SLC7A1: variants seen among roughly 807,000 people sequenced by gnomAD.
SLC7A1 encodes the protein high affinity cationic amino acid transporter 1.
Under a neutral mutation model 53.9 loss-of-function variants are expected in SLC7A1, and 10 were observed. The observed-to-expected ratio is 0.19, with a 90% confidence interval of 0.11 to 0.31. SLC7A1 has a LOEUF of 0.31. SLC7A1 is among the 10% of genes least tolerant of loss of function. The pLI is 1.00. For missense variants in SLC7A1, 525 were observed against 827.2 expected, an observed-to-expected ratio of 0.63 and a Z score of 4.48; for synonymous variants, 342 against 338.7, an observed-to-expected ratio of 1.01 and a Z score of -0.11.
chr13:29,516,217 C>T lies in SLC7A1; in HGVS notation c.1707G>A (p.Leu569=). The stretch of plus-strand genomic sequence containing the variant: ...TGAGATAGACGTTCACGAAGATGCT[C>T]AGGATGGGGAGCACTGGCAGGAAGG... ...KVPFLPVLPI[L]SIFVNVYLMM... Residue 569 remains leucine (L), a synonymous_variant, in exon 12 of 13, where the codon CTG becomes CTA. Coordinates refer to ENST00000380752, the MANE Select transcript of SLC7A1 (RefSeq NM_003045.5). 1.2e-6 allele frequency: 2 copies of T among 1,613,460 alleles called. No homozygotes were observed. The highest frequency in any genetic ancestry group is 1.7e-6 in the Non-Finnish European group (2 of 1,179,736).
At position 29,514,604 on chromosome 13, in the gene SLC7A1, C is replaced by T. The variant is rs202211661; in HGVS notation, c.1787-21G>A. The T allele has an allele frequency of 1.0e-3, 1,617 of 1,571,910 alleles. 4 individuals are homozygous for T. Among genetic ancestry groups the T allele is most frequent in the South Asian group, 1.7e-3 (149 of 88,476 alleles). On this transcript the variant is annotated intron_variant, in intron 12 of 12. Coordinates refer to ENST00000380752, the MANE Select transcript of SLC7A1 (RefSeq NM_003045.5). ...GAAGCCTGCGGGCCGACAGCAGAGA[C>T]GGGCGTGAACAGACCGCCGGTTGCA...
intron 1 of SLC7A1, among the ~76,000 whole-genome samples, chr13:29,557,821 T>A (rs1194211186): frequency 7.7e-5 from 1 of 12,940 alleles, no homozygotes; most frequent in East Asian, 1.9e-3. Context: ...TGAGGGGGAG[T>A]GAATGTGAGT....
chr13:29,550,321 C>T (rs565923696), intron 2 of SLC7A1, among the ~76,000 whole-genome samples: 2 of 152,292 alleles, frequency 1.3e-5, no homozygotes, highest in East Asian at 3.9e-4. Flanking sequence ...GGCTGTGACC[C>T]TGTAGAAGAC....
At chr13:29,577,489 G>C (rs1871457745) in intron 1 of SLC7A1, among the ~76,000 whole-genome samples, 1 of 152,242 alleles carries the variant, frequency 6.6e-6, no homozygotes, top group Non-Finnish European at 1.5e-5. Context: ...TTCTGGGCGT[G>C]TGGCTCTGGG....
Position 29,533,065 on chromosome 13 carries a change from T to C in SLC7A1, c.371-83A>G, listed in dbSNP as rs868705706. 7 of 1,378,112 alleles carry C rather than the reference T, an allele frequency of 5.1e-6. No homozygotes were observed. In the Middle Eastern group the frequency reaches 1.0e-3, roughly 202 times the overall value. The allele number at this position is 1,378,112 out of a possible 1,614,324, so 85.4% of individuals were successfully genotyped here. ...GTAGTGGAGCTCCATGTTGATAACA[T>C]CATTGCAGGAGTCACCGACGGTGCA... On this transcript the variant is annotated intron_variant, in intron 3 of 12. Coordinates refer to ENST00000380752, the MANE Select transcript of SLC7A1 (RefSeq NM_003045.5).
At chr13:29,543,717 G>A (rs376749096) in intron 2 of SLC7A1, among the ~76,000 whole-genome samples, 3 of 151,676 alleles carry the variant, frequency 2.0e-5, no homozygotes, top group African/African-American at 7.3e-5. Context: ...GTGGGGAGGA[G>A]GCAGGGATCA....
chr13:29,570,567 A>G (rs74042336), intron 1 of SLC7A1, among the ~76,000 whole-genome samples: 3,457 of 152,210 alleles, frequency 0.023, 115 homozygotes, highest in African/African-American at 0.078. Flanking sequence ...ACATGATGGG[A>G]CCGGGCACGG....
At chr13:29,594,249 AATGT>A (rs1320224443) in intron 1 of SLC7A1, among the ~76,000 whole-genome samples, 3 of 152,272 alleles carry the variant, frequency 2.0e-5, no homozygotes, top group African/African-American at 4.8e-5. Flanking sequence ...CTACTAGTCG[AATGT>A]AAGTAAGATA....
intron 9 of SLC7A1, 90 bp from the exon 10 acceptor site, chr13:29,517,880 G>GCTGCC (rs1868431675): frequency 2.1e-6 from 2 of 961,636 alleles, no homozygotes. Context: ...TCCAAAGTGA[G>GCTGCC]CTGCCCGGGA....
intron 2 of SLC7A1, among the ~76,000 whole-genome samples, chr13:29,540,627 G>T (rs1398966911): frequency 1.3e-5 from 2 of 152,224 alleles, no homozygotes; most frequent in African/African-American, 4.8e-5. Flanking sequence ...GGAGTCAAAA[G>T]CAAGCTGTTA....
chr13:29,552,196 T>C (rs1030076643), intron 2 of SLC7A1, among the ~76,000 whole-genome samples: 2 of 147,450 alleles, frequency 1.4e-5, no homozygotes, highest in Admixed American at 6.8e-5. Context: ...TGTAAGAGAG[T>C]GGGAGACAAG....
chr13:29,595,099 C>T (rs2139201352), intron 1 of SLC7A1, among the ~76,000 whole-genome samples: 1 of 151,944 alleles, frequency 6.6e-6, no homozygotes, highest in South Asian at 2.1e-4. Context: ...GGTCCCCGGA[C>T]AGGCGCGCGG....
chr13:29,577,550 G>A (rs1465993998), intron 1 of SLC7A1, among the ~76,000 whole-genome samples: 1 of 152,206 alleles, frequency 6.6e-6, no homozygotes, highest in Admixed American at 6.5e-5. Context: ...GAGAGAACAG[G>A]GAAATCTGAA....
intron 8 of SLC7A1, among the ~76,000 whole-genome samples, chr13:29,520,865 G>A (rs1428827994): frequency 1.3e-5 from 2 of 152,218 alleles, no homozygotes; most frequent in Non-Finnish European, 2.9e-5. Flanking sequence ...CGGGAAACTT[G>A]AGACTAATTT....
chr13:29,557,411 A>C (rs1870485825), intron 1 of SLC7A1, among the ~76,000 whole-genome samples: 1 of 152,118 alleles, frequency 6.6e-6, no homozygotes, highest in East Asian at 1.9e-4. Context: ...ACAGAAACCT[A>C]GGTGGGATAG....
chr13:29,586,326 A>G (rs1175952141), intron 1 of SLC7A1, among the ~76,000 whole-genome samples: 1 of 152,268 alleles, frequency 6.6e-6, no homozygotes, highest in Non-Finnish European at 1.5e-5. Context: ...CAGTTTTACT[A>G]ATTATAAGAA....
At chr13:29,531,368 CA>C (rs754091096) in intron 4 of SLC7A1, among the ~76,000 whole-genome samples, 66 of 152,168 alleles carry the variant, frequency 4.3e-4, no homozygotes, top group Non-Finnish European at 9.3e-4. Context: ...GAACCTCTGA[CA>C]GCACTGCCTT....
At chr13:29,516,828 A>G (rs754929301) in intron 11 of SLC7A1, 1 of 267,216 alleles carries the variant, frequency 3.7e-6, no homozygotes, top group Non-Finnish European at 7.0e-6. Context: ...AGGGACATTT[A>G]TTTTCCAGAG....
intron 1 of SLC7A1, among the ~76,000 whole-genome samples, chr13:29,563,467 AT>A (rs1870845554): frequency 6.6e-6 from 1 of 152,262 alleles, no homozygotes; most frequent in Non-Finnish European, 1.5e-5. Context: ...AAACTCTGTC[AT>A]CACGCCCCTG....
Sources: allele counts gnomAD v4.1 joint callset (sites outside exome capture counted in the v4.1 genomes callset), GRCh38; gene constraint gnomAD v4.1.1; transcripts MANE v1.5; gene names NCBI Gene and HGNC (gene_info 2026-07-23, HGNC 2026-07-21).